Variants in PLCB1 observed in about 807,000 individuals in gnomAD.
PLCB1 encodes phospholipase C beta 1, also known as 1-phosphatidylinositol 4,5-bisphosphate phosphodiesterase beta-1.
Under a neutral mutation model 161.8 loss-of-function variants are expected in PLCB1, and 46 were observed. The ratio of observed to expected loss-of-function variants is 0.28; its 90% CI spans 0.22 to 0.36. The LOEUF (loss-of-function observed/expected upper bound fraction) is 0.36, where lower values mean the gene tolerates loss of function less well. PLCB1 is among the 10% of genes least tolerant of loss of function. PLCB1 has a pLI of 1.00. For synonymous variants in PLCB1, 517 were observed against 503.7 expected (o/e 1.03, Z -0.35); for missense variants, 1,016 against 1,472.5 (o/e 0.69, Z 5.07).
chr20:8,420,714 T>G (rs554481548), intron 3 of PLCB1, among the ~76,000 whole-genome samples: 7 of 152,346 alleles, frequency 4.6e-5, no homozygotes, highest in Non-Finnish European at 1.0e-4. Context: ...TAATGTTATC[T>G]TTTTGAATAA....
intron 2 of PLCB1, among the ~76,000 whole-genome samples, chr20:8,217,309 G>A (rs1050503200): frequency 1.3e-5 from 2 of 152,104 alleles, no homozygotes; most frequent in Non-Finnish European, 2.9e-5. Flanking sequence ...CAGAGCCTCA[G>A]GAAATGGTAG....
chr20:8,306,632 A>G (rs975872273), intron 2 of PLCB1, among the ~76,000 whole-genome samples: 1 of 152,254 alleles, frequency 6.6e-6, no homozygotes, highest in Non-Finnish European at 1.5e-5. Flanking sequence ...CAGGCATACA[A>G]CAGATGCCCC....
intron 10 of PLCB1, among the ~76,000 whole-genome samples, chr20:8,694,073 A>G (rs964118112): frequency 3.3e-5 from 5 of 152,376 alleles, no homozygotes; most frequent in Middle Eastern, 3.4e-3. Context: ...TATTTATTCA[A>G]TATATTCAAA....
At chr20:8,167,089 G>A (rs906338582) in intron 2 of PLCB1, among the ~76,000 whole-genome samples, 3 of 152,158 alleles carry the variant, frequency 2.0e-5, no homozygotes, top group Admixed American at 1.3e-4. Flanking sequence ...ATACTGTAGT[G>A]TCTGATTTCG....
intron 23 of PLCB1, among the ~76,000 whole-genome samples, chr20:8,753,009 T>G (rs1234906789): frequency 6.6e-6 from 1 of 151,464 alleles, no homozygotes; most frequent in Non-Finnish European, 1.5e-5. Context: ...CTCTGCCTCC[T>G]GTTAGATCAG....
intron 2 of PLCB1, among the ~76,000 whole-genome samples, chr20:8,283,566 TC>T (rs1443649170): frequency 0.016 from 1,162 of 70,990 alleles, 16 homozygotes; most frequent in African/African-American, 0.067. Context: ...ATAAAATAAA[TC>T]AATCAATAAA....
At chr20:8,415,044 T>C (rs1979209991) in intron 3 of PLCB1, among the ~76,000 whole-genome samples, 1 of 152,240 alleles carries the variant, frequency 6.6e-6, no homozygotes, top group African/African-American at 2.4e-5. Flanking sequence ...CTGAGAATTC[T>C]TTATTGTTAT....
At chr20:8,351,746 A>G (rs1986185566) in intron 2 of PLCB1, among the ~76,000 whole-genome samples, 1 of 152,090 alleles carries the variant, frequency 6.6e-6, no homozygotes, top group Non-Finnish European at 1.5e-5. Flanking sequence ...AAAGATGCTC[A>G]ACATCATTTG....
intron 9 of PLCB1, among the ~76,000 whole-genome samples, chr20:8,684,177 C>T (rs576475449): frequency 1.3e-5 from 2 of 151,626 alleles, no homozygotes; most frequent in Non-Finnish European, 2.9e-5. Flanking sequence ...AGCCACCGCG[C>T]CCAGCCCCAA....
At chr20:8,523,181 A>T (rs974676245) in intron 3 of PLCB1, among the ~76,000 whole-genome samples, 13 of 151,798 alleles carry the variant, frequency 8.6e-5, no homozygotes, top group African/African-American at 2.4e-5. Flanking sequence ...TGCTGCCTTT[A>T]TTCATCCACC....
In PLCB1 at chr20:8,134,193, G is replaced by A. The variant is rs1374107947; in HGVS notation, c.99+1443G>A. Among the ~76,000 whole-genome samples the A allele has an allele frequency of 2.6e-5, 4 of 152,140 alleles. No individual in the cohort carries two copies. The East Asian group carries it at 7.7e-4, about 29-fold the overall frequency. The stretch of plus-strand genomic sequence containing the variant: ...TAGAATCTAAACAATAAATTCAGAC[G>A]CAGATTAAATGCTTTGTGTCAGGGA... On this transcript the variant is annotated intron_variant, in intron 1 of 31. Transcript: ENST00000338037.
chr20:8,420,304 C>T (rs554700550), intron 3 of PLCB1, among the ~76,000 whole-genome samples: 5 of 152,174 alleles, frequency 3.3e-5, no homozygotes, highest in African/African-American at 1.2e-4. Flanking sequence ...TTGCAAGAGG[C>T]AGAACTCAGA....
chr20:8,495,707 CCTTA>C (rs1449352724), intron 3 of PLCB1, among the ~76,000 whole-genome samples: 5 of 151,950 alleles, frequency 3.3e-5, no homozygotes, highest in African/African-American at 1.2e-4. Context: ...GATTTACCTT[CCTTA>C]CTTAACCAAT....
chr20:8,161,481 A>G (rs761781431), intron 2 of PLCB1, among the ~76,000 whole-genome samples: 7 of 152,212 alleles, frequency 4.6e-5, no homozygotes, highest in Non-Finnish European at 7.3e-5. Flanking sequence ...AGGAATAGAA[A>G]CAACAGTGGC....
At chr20:8,506,730 A>T (rs6077372) in intron 3 of PLCB1, among the ~76,000 whole-genome samples, 20,029 of 152,166 alleles carry the variant, frequency 0.13, 1,550 homozygotes, top group East Asian at 0.35. Context: ...TTATAAAAAG[A>T]TTGACCCTTT....
intron 23 of PLCB1, among the ~76,000 whole-genome samples, chr20:8,744,624 A>ATAAAATAAAATTAAAT (rs774737958): frequency 6.9e-6 from 1 of 144,588 alleles, no homozygotes; most frequent in Admixed American, 6.8e-5. Context: ...AATAAATAAA[A>ATAAAATAAAATTAAAT]TAAAATAAAA....
chr20:8,853,009 A>T (rs1307604223), intron 31 of PLCB1, among the ~76,000 whole-genome samples: 1 of 152,194 alleles, frequency 6.6e-6, no homozygotes, highest in African/African-American at 2.4e-5. Flanking sequence ...GAGTGTCACC[A>T]CCTGGAAAGT....
At chr20:8,600,374 G>A (rs1428007940) in intron 3 of PLCB1, among the ~76,000 whole-genome samples, 1 of 114,514 alleles carries the variant, frequency 8.7e-6, no homozygotes, top group Non-Finnish European at 1.9e-5. Flanking sequence ...AGGTGTCAGT[G>A]TGCCCCTGCT....
At chr20:8,397,717 T>C (rs892818415) in intron 3 of PLCB1, among the ~76,000 whole-genome samples, 5 of 152,194 alleles carry the variant, frequency 3.3e-5, no homozygotes, top group African/African-American at 1.2e-4. Context: ...TGTAACATTC[T>C]ATCTATGTGC....
Sources: gnomAD v4.1 joint callset for allele counts (sites outside exome capture counted in the v4.1 genomes callset) on GRCh38, gnomAD v4.1.1 for gene constraint, MANE v1.5 for transcripts, NCBI Gene and HGNC (gene_info 2026-07-23, HGNC 2026-07-21) for gene names.